Variants in SMAD3 observed in about 807,000 individuals in gnomAD.
The protein encoded by SMAD3 is SMAD family member 3.
SMAD3 carries 12 observed loss-of-function variants against 51.8 expected under a neutral mutation model. That is an observed-to-expected ratio of 0.23 (90% CI 0.15 to 0.38). The LOEUF (loss-of-function observed/expected upper bound fraction) is 0.38. Among genes scored for constraint, SMAD3 ranks in the 10% least tolerant of loss-of-function variants. The pLI is 1.00. For missense variants in SMAD3, 294 were observed against 565.6 expected, an observed-to-expected ratio of 0.52 and a Z score of 4.87; for synonymous variants, 238 against 227.7, an observed-to-expected ratio of 1.05 and a Z score of -0.41.
intron 5 of SMAD3, among the ~76,000 whole-genome samples, chr15:67,173,725 G>A (rs540952459): frequency 1.3e-5 from 2 of 152,134 alleles, no homozygotes; most frequent in Non-Finnish European, 2.9e-5. Flanking sequence ...GAAATTACTG[G>A]AGGCAAAACA....
At chr15:67,125,548 A>G (rs763907234) in intron 1 of SMAD3, among the ~76,000 whole-genome samples, 4 of 152,190 alleles carry the variant, frequency 2.6e-5, no homozygotes, top group Non-Finnish European at 4.4e-5. Context: ...ATAGGAGTTA[A>G]CCACTTTTTA....
intron 1 of SMAD3, among the ~76,000 whole-genome samples, chr15:67,130,577 G>A (rs1001105108): frequency 2.0e-5 from 3 of 152,148 alleles, no homozygotes; most frequent in South Asian, 2.1e-4. Context: ...GAACAGTTTC[G>A]TCCTGAAACA....
At chr15:67,086,224 C>T (rs1280080925) in intron 1 of SMAD3, among the ~76,000 whole-genome samples, 2 of 152,094 alleles carry the variant, frequency 1.3e-5, no homozygotes, top group Non-Finnish European at 2.9e-5. Flanking sequence ...TTTGGCATTG[C>T]CCCGGTGGAT....
In SMAD3 at chr15:67,193,296, C is replaced by T. The variant is rs1471142700; in HGVS notation, c.*2760C>T. ...AGTCAACACGACCGCGTGTGTTGCC[C>T]CTGCCCTGGGCTCCCCGCCATGACA... On this transcript the variant is annotated 3_prime_UTR_variant, in exon 9 of 9. Transcript: ENST00000327367. The T allele has an allele frequency of 4.3e-6, 1 of 233,328 alleles. No individual in the cohort carries two copies. Among genetic ancestry groups the T allele is most frequent in the Admixed American group, 5.6e-5 (1 of 17,784 alleles). The allele number at this position is 233,328 out of a possible 1,614,324, so 14.5% of individuals were successfully genotyped here.
At chr15:67,090,991 A>G (rs1960497033) in intron 1 of SMAD3, among the ~76,000 whole-genome samples, 4 of 152,182 alleles carry the variant, frequency 2.6e-5, no homozygotes, top group Non-Finnish European at 4.4e-5. Context: ...CAGGGCTGTT[A>G]GAGTGCAGTG....
intron 1 of SMAD3, among the ~76,000 whole-genome samples, chr15:67,090,595 A>T (rs1960489182): frequency 6.6e-6 from 1 of 152,070 alleles, no homozygotes; most frequent in Admixed American, 6.5e-5. Context: ...ATGCTTGCTT[A>T]TGGGCTCTGA....
At chr15:67,136,166 T>TAACAAAC (rs1961655688) in intron 1 of SMAD3, among the ~76,000 whole-genome samples, 3 of 152,194 alleles carry the variant, frequency 2.0e-5, no homozygotes, top group Non-Finnish European at 4.4e-5. Flanking sequence ...ACCTAACTGC[T>TAACAAAC]CTCAAATTGA....
intron 1 of SMAD3, among the ~76,000 whole-genome samples, chr15:67,076,549 TCATGGC>T (rs1960173957): frequency 6.6e-6 from 1 of 152,170 alleles, no homozygotes; most frequent in Non-Finnish European, 1.5e-5. Context: ...GTCCAGAAAC[TCATGGC>T]TCTGAAATGA....
intron 1 of SMAD3, among the ~76,000 whole-genome samples, chr15:67,151,588 C>T (rs8024330): frequency 0.36 from 54,159 of 152,106 alleles, 10,283 homozygotes; most frequent in African/African-American, 0.49. Flanking sequence ...ACCTCAGCCT[C>T]GCAAAGTGCT....
intron 1 of SMAD3, among the ~76,000 whole-genome samples, chr15:67,164,547 T>C (rs1203607455): frequency 2.0e-5 from 3 of 152,186 alleles, no homozygotes; most frequent in Non-Finnish European, 4.4e-5. Context: ...AGGAAGCCGA[T>C]GAGTGGCTCC....
chr15:67,089,639 C>T (rs771106809), intron 1 of SMAD3, among the ~76,000 whole-genome samples: 8 of 152,184 alleles, frequency 5.3e-5, no homozygotes, highest in Admixed American at 2.0e-4. Context: ...GTGCTCTCCT[C>T]GTGTCCCTCA....
intron 1 of SMAD3, among the ~76,000 whole-genome samples, chr15:67,133,923 C>T (rs1233181869): frequency 2.0e-5 from 3 of 152,066 alleles, no homozygotes; most frequent in African/African-American, 7.2e-5. Context: ...GCTTCTGACT[C>T]CCTGGCCAGT....
intron 1 of SMAD3, among the ~76,000 whole-genome samples, chr15:67,145,034 A>T (rs532878118): frequency 6.6e-6 from 1 of 152,166 alleles, no homozygotes; most frequent in South Asian, 2.1e-4. Context: ...CCAGCCAGAG[A>T]GCCAGGGTGG....
chr15:67,115,616 G>A (rs538800067), intron 1 of SMAD3, among the ~76,000 whole-genome samples: 7 of 151,286 alleles, frequency 4.6e-5, no homozygotes, highest in Middle Eastern at 3.4e-3. Context: ...CCTCTGGGCC[G>A]TGATTCCCTC....
chr15:67,119,021 A>C (rs904171419), intron 1 of SMAD3, among the ~76,000 whole-genome samples: 1 of 152,120 alleles, frequency 6.6e-6, no homozygotes, highest in Non-Finnish European at 1.5e-5. Flanking sequence ...AGTTTGGGGG[A>C]GAGGTCTGAG....
At chr15:67,181,789 ATTT>A (rs10713173) in intron 6 of SMAD3, among the ~76,000 whole-genome samples, 45 of 137,820 alleles carry the variant, frequency 3.3e-4, no homozygotes, top group African/African-American at 4.0e-4. Context: ...TATGAAATCT[ATTT>A]TTTTTTTTTT....
chr15:67,085,211 G>A (rs1204684662), intron 1 of SMAD3, among the ~76,000 whole-genome samples: 2 of 152,126 alleles, frequency 1.3e-5, no homozygotes, highest in Non-Finnish European at 2.9e-5. Flanking sequence ...CTTTGTCACC[G>A]TTTTTGTCCA....
rs570173084 is a variant in SMAD3 at position 67,138,320 on chromosome 15, T to C, written c.207-26575T>C. On this transcript the variant is annotated intron_variant, in intron 1 of 8. Coordinates refer to ENST00000327367, the MANE Select transcript of SMAD3 (RefSeq NM_005902.4). ...GGGCCCTCTGCCTGGTTCTGGGCTC[T>C]GGGACCCTGCTCCCCTCCCCTGAAC... 2.4e-4 allele frequency: 119 copies of C among 504,470 alleles called. 1 individual carries two copies. The highest frequency in any genetic ancestry group is 2.1e-3 in the African/African-American group (109 of 51,958). The allele number at this position is 504,470 out of a possible 1,614,324, so 31.2% of individuals were successfully genotyped here.
At chr15:67,186,331 T>G (rs1963221602) in intron 7 of SMAD3, among the ~76,000 whole-genome samples, 2 of 152,210 alleles carry the variant, frequency 1.3e-5, no homozygotes, top group Non-Finnish European at 2.9e-5. Context: ...GCCTTCTGCC[T>G]CTTCCATTCC....
Sources: gnomAD v4.1 joint callset for allele counts (sites outside exome capture counted in the v4.1 genomes callset) on GRCh38, gnomAD v4.1.1 for gene constraint, MANE v1.5 for transcripts, NCBI Gene and HGNC (gene_info 2026-07-23, HGNC 2026-07-21) for gene names.